Variants in ANAPC10 observed in about 807,000 individuals in gnomAD.
The protein encoded by ANAPC10 is anaphase-promoting complex subunit 10.
ANAPC10 carries 12 observed loss-of-function variants against 22.0 expected under a neutral mutation model. That is an observed-to-expected ratio of 0.55 (90% CI 0.35 to 0.88). The LOEUF (loss-of-function observed/expected upper bound fraction) is 0.88, where lower values mean the gene tolerates loss of function less well. Ranked by LOEUF, ANAPC10 falls within the 40% of genes least tolerant of loss-of-function variation. ANAPC10 has a pLI of 0.01. For synonymous variants in ANAPC10, 65 were observed against 69.5 expected (o/e 0.94, Z 0.32); for missense variants, 188 against 220.9 (o/e 0.85, Z 0.94).
chr4:145,060,092 A>G (rs532988005), intron 4 of ANAPC10, among the ~76,000 whole-genome samples: 1 of 152,224 alleles, frequency 6.6e-6, no homozygotes, highest in South Asian at 2.1e-4. Context: ...ATATAGAAAT[A>G]GTCTCTTGTG....
intron 4 of ANAPC10, among the ~76,000 whole-genome samples, chr4:145,018,381 C>A (rs1278457464): frequency 2.0e-5 from 3 of 152,006 alleles, no homozygotes; most frequent in Non-Finnish European, 4.4e-5. Context: ...CACCTATAAT[C>A]CCAAGGCTTT....
rs1731432486 is a variant in ANAPC10 at position 144,995,189 on chromosome 4, TAC to T, written c.*182_*183del. 4.9e-6 allele frequency: 2 copies of T among 405,342 alleles called. No homozygotes were observed. The highest frequency in any genetic ancestry group is 6.8e-4 in the Middle Eastern group (1 of 1,466). 25.1% of individuals were successfully genotyped at this position (405,342 alleles called of 1,614,324 possible). On this transcript the variant is annotated 3_prime_UTR_variant, in exon 5 of 5. Coordinates refer to ENST00000507656, the MANE Select transcript of ANAPC10 (RefSeq NM_001256706.2). The stretch of plus-strand genomic sequence containing the variant: ...GTAATGTAAAATATGTGAGCTTTAT[TAC>T]ATGTTAAAGAAAATAAAGATAATAT...
intron 4 of ANAPC10, among the ~76,000 whole-genome samples, chr4:145,018,652 A>T (rs1407880323): frequency 7.1e-6 from 1 of 141,710 alleles, no homozygotes; most frequent in Non-Finnish European, 1.6e-5. Flanking sequence ...CTCGAAATCT[A>T]AAAAAAAAAA....
At chr4:145,065,344 A>T (rs1743525766) in intron 3 of ANAPC10, among the ~76,000 whole-genome samples, 1 of 152,044 alleles carries the variant, frequency 6.6e-6, no homozygotes, top group Non-Finnish European at 1.5e-5. Flanking sequence ...AACGTCTAAT[A>T]ATCAAAGAAA....
chr4:145,059,932 CG>C (rs1560892320), intron 4 of ANAPC10, among the ~76,000 whole-genome samples: 15 of 151,850 alleles, frequency 9.9e-5, no homozygotes. Context: ...AATGCTAAAA[CG>C]CAAGGGATTT....
At chr4:145,002,380 A>G (rs1011297939) in intron 4 of ANAPC10, among the ~76,000 whole-genome samples, 10 of 152,094 alleles carry the variant, frequency 6.6e-5, no homozygotes, top group Non-Finnish European at 1.2e-4. Flanking sequence ...CCTAGTGAAG[A>G]AGGCGACCAC....
chr4:145,064,430 T>A (rs571052406), intron 4 of ANAPC10, 142 bp downstream of exon 4: 15 of 583,690 alleles, frequency 2.6e-5, no homozygotes, highest in Admixed American at 7.0e-5. Context: ...AAGAAAAAAA[T>A]TTTACACTCA....
At chr4:145,020,548 C>A (rs1335455454) in intron 4 of ANAPC10, among the ~76,000 whole-genome samples, 2 of 152,062 alleles carry the variant, frequency 1.3e-5, no homozygotes, top group South Asian at 4.1e-4. Context: ...TCTCACCACT[C>A]GTCTTCAACA....
At chr4:145,026,989 T>A (rs12502169) in intron 4 of ANAPC10, among the ~76,000 whole-genome samples, 209 of 9,328 alleles carry the variant, frequency 0.022, no homozygotes, top group South Asian at 0.038. Flanking sequence ...ATATATATAT[T>A]TTTTTTTTTT....
chr4:145,055,753 G>A (rs1741974697), intron 4 of ANAPC10, among the ~76,000 whole-genome samples: 1 of 152,074 alleles, frequency 6.6e-6, no homozygotes, highest in Admixed American at 6.5e-5. Flanking sequence ...CCAGGGCCTG[G>A]AGAAGGGGGA....
chr4:145,028,110 G>A (rs1246143788), intron 4 of ANAPC10, among the ~76,000 whole-genome samples: 1 of 152,182 alleles, frequency 6.6e-6, no homozygotes, highest in African/African-American at 2.4e-5. Context: ...AATACCGAGT[G>A]TCAACTTAAT....
At chr4:145,048,471 A>G (rs926191152) in intron 4 of ANAPC10, among the ~76,000 whole-genome samples, 2 of 152,214 alleles carry the variant, frequency 1.3e-5, no homozygotes, top group African/African-American at 4.8e-5. Context: ...GTTCTGACAC[A>G]GTATAGAGAT....
At chr4:144,999,230 A>G (rs1282635162) in intron 4 of ANAPC10, 2 of 154,682 alleles carry the variant, frequency 1.3e-5, no homozygotes, top group African/African-American at 4.8e-5. Flanking sequence ...TATTCCAATC[A>G]AGAGAAAAAG....
chr4:145,014,004 T>C (rs1214757068), intron 4 of ANAPC10, among the ~76,000 whole-genome samples: 2 of 152,000 alleles, frequency 1.3e-5, no homozygotes, highest in East Asian at 3.9e-4. Flanking sequence ...CGGCCAGCGG[T>C]GCGGAGAAAA....
In ANAPC10 at chr4:145,074,811, G is replaced by A. The variant is rs185107531; in HGVS notation, c.206+6849C>T. Among the ~76,000 whole-genome samples, 106 of 152,178 alleles carry A rather than the reference G, an allele frequency of 7.0e-4. 1 individual carries two copies. The highest frequency in any genetic ancestry group is 1.0e-3 in the Non-Finnish European group (71 of 67,994). ...CTTTGATCAGTTCCAATTTTTAAAA[G>A]TTTTCTTTATACTAAGCCATAACTG... On this transcript the variant is annotated intron_variant, in intron 3 of 4. Transcript: ENST00000507656.
chr4:145,051,297 A>C (rs552812458), intron 4 of ANAPC10, among the ~76,000 whole-genome samples: 6 of 152,308 alleles, frequency 3.9e-5, no homozygotes, highest in African/African-American at 1.2e-4. Flanking sequence ...TTTACCAATT[A>C]AGTTTGCTAT....
intron 3 of ANAPC10, chr4:145,081,421 G>C: frequency 3.2e-6 from 1 of 309,050 alleles, no homozygotes; most frequent in Admixed American, 4.6e-5. Flanking sequence ...GTATATTTGA[G>C]AAACATCTAC....
chr4:145,071,068 G>A (rs530271071), intron 3 of ANAPC10, among the ~76,000 whole-genome samples: 1 of 152,284 alleles, frequency 6.6e-6, no homozygotes, highest in Non-Finnish European at 1.5e-5. Flanking sequence ...GGTGGTAGTG[G>A]TTGCACAACA....
chr4:145,026,945 A>ATATATATATATATATATATATGTG (rs1287102797), intron 4 of ANAPC10, among the ~76,000 whole-genome samples: 2 of 17,154 alleles, frequency 1.2e-4, no homozygotes, highest in Non-Finnish European at 2.4e-4. Context: ...ATATATATAT[A>ATATATATATATATATATATATGTG]TGTGTGTGTG....
Sources: allele counts gnomAD v4.1 joint callset (sites outside exome capture counted in the v4.1 genomes callset), GRCh38; gene constraint gnomAD v4.1.1; transcripts MANE v1.5; gene names NCBI Gene and HGNC (gene_info 2026-07-23, HGNC 2026-07-21).